The following PNPLA1 variants were observed in gnomAD, a reference collection of about 807,000 sequenced individuals.
PNPLA1 encodes patatin like domain 1, omega-hydroxyceramide transacylase.
Under a neutral mutation model 51.7 loss-of-function variants are expected in PNPLA1, and 36 were observed. The ratio of observed to expected loss-of-function variants is 0.70; its 90% confidence interval spans 0.53 to 0.92. PNPLA1 has a LOEUF of 0.92. Ranked by LOEUF, PNPLA1 falls within the 40% of genes least tolerant of loss-of-function variation. PNPLA1 has a pLI of 0.00. For missense variants in PNPLA1, 658 were observed against 682.5 expected (o/e 0.96, Z 0.40); for synonymous variants, 293 against 280.1 (o/e 1.05, Z -0.46).
chr6:36,246,495 C>T (rs2127307872), intron 1 of PNPLA1, among the ~76,000 whole-genome samples: 1 of 152,296 alleles, frequency 6.6e-6, no homozygotes, highest in South Asian at 2.1e-4. Flanking sequence ...AGCCATGGTG[C>T]CCGGCCAGAT....
At chr6:36,262,275 C>T (rs1769666923) in intron 1 of PNPLA1, among the ~76,000 whole-genome samples, 1 of 81,962 alleles carries the variant, frequency 1.2e-5, no homozygotes, top group African/African-American at 7.6e-5. Flanking sequence ...ACAACCCTCC[C>T]ATCCTCCACT....
chr6:36,270,857 A>G (rs763685236), intron 1 of PNPLA1, among the ~76,000 whole-genome samples, 193 bp downstream of exon 1: 5 of 152,004 alleles, frequency 3.3e-5, no homozygotes, highest in Non-Finnish European at 4.4e-5. Flanking sequence ...CAGGCCCCAG[A>G]CTCTAACATG....
intron 5 of PNPLA1, among the ~76,000 whole-genome samples, chr6:36,300,541 A>G (rs1208375199): frequency 1.3e-5 from 2 of 152,046 alleles, no homozygotes; most frequent in Non-Finnish European, 2.9e-5. Context: ...AACGTCCCTC[A>G]GTTGGGGTTT....
chr6:36,282,437 T>C (rs1271656986), intron 1 of PNPLA1, among the ~76,000 whole-genome samples: 1 of 152,224 alleles, frequency 6.6e-6, no homozygotes, highest in Non-Finnish European at 1.5e-5. Context: ...TCTATCCAAA[T>C]GGATAAAGAT....
intron 1 of PNPLA1, among the ~76,000 whole-genome samples, chr6:36,245,781 CAG>C (rs1188984100): frequency 4.6e-5 from 7 of 152,242 alleles, no homozygotes; most frequent in African/African-American, 1.4e-4. Flanking sequence ...GGTAGGCAAA[CAG>C]GGGCTCAGGG....
At chr6:36,245,441 C>G (rs1769249274) in intron 1 of PNPLA1, among the ~76,000 whole-genome samples, 1 of 152,242 alleles carries the variant, frequency 6.6e-6, no homozygotes, top group South Asian at 2.1e-4. Context: ...CATTTACTCT[C>G]AGGGCTAGCT....
intron 1 of PNPLA1, among the ~76,000 whole-genome samples, chr6:36,287,755 AACACACACACACACACACACACAC>A (rs57750301): frequency 6.7e-6 from 1 of 148,342 alleles, no homozygotes; most frequent in Non-Finnish European, 1.5e-5. Flanking sequence ...GACAGACAGA[AACACACACACACACACACACACAC>A]ACACACACAC....
intron 1 of PNPLA1, among the ~76,000 whole-genome samples, chr6:36,245,030 G>T (rs1422966185): frequency 6.6e-6 from 1 of 152,228 alleles, no homozygotes; most frequent in African/African-American, 2.4e-5. Context: ...GACCTAAAAG[G>T]GTGGGACATC....
intron 1 of PNPLA1, among the ~76,000 whole-genome samples, chr6:36,282,088 AGAAGGAAGGAAGGAAGGAAGGAAGGAAG>A (rs70975141): frequency 1.0e-5 from 1 of 98,850 alleles, no homozygotes; most frequent in African/African-American, 4.9e-5. Flanking sequence ...AAAGAAAGAA[AGAAGGAAGGAAGGAAGGAAGGAAGGAAG>A]GAAGGAAGGA....
intron 1 of PNPLA1, among the ~76,000 whole-genome samples, chr6:36,247,077 T>C (rs1258990548): frequency 6.6e-6 from 1 of 152,164 alleles, no homozygotes; most frequent in Non-Finnish European, 1.5e-5. Context: ...GATGGTGCCC[T>C]GGCCTCCCAG....
chr6:36,281,159 T>C (rs1288504304), intron 1 of PNPLA1, among the ~76,000 whole-genome samples: 1 of 152,230 alleles, frequency 6.6e-6, no homozygotes, highest in Non-Finnish European at 1.5e-5. Flanking sequence ...GCTGGAAGTC[T>C]CTCCAGTGTT....
chr6:36,275,806 C>T (rs1300919975), intron 1 of PNPLA1, among the ~76,000 whole-genome samples: 3 of 152,262 alleles, frequency 2.0e-5, no homozygotes, highest in Middle Eastern at 3.4e-3. Context: ...TGCATCTTTC[C>T]ATTTGTAAAT....
At chr6:36,273,250 A>ATAAT (rs1561855143) in intron 1 of PNPLA1, among the ~76,000 whole-genome samples, 2 of 105,134 alleles carry the variant, frequency 1.9e-5, no homozygotes, top group African/African-American at 8.0e-5. Context: ...AAATAAATAA[A>ATAAT]TAATAAATAA....
intron 1 of PNPLA1, among the ~76,000 whole-genome samples, chr6:36,251,076 C>T (rs1769413051): frequency 6.6e-6 from 1 of 152,144 alleles, no homozygotes; most frequent in African/African-American, 2.4e-5. Context: ...GCAAAGGGGC[C>T]GTTTCTAGTA....
In PNPLA1 at chr6:36,313,215, CTCTG is replaced by C. The variant is rs1771443295; in HGVS notation, c.*1334_*1337del. On this transcript the variant is annotated 3_prime_UTR_variant, in exon 9 of 9. Coordinates refer to ENST00000636260, the MANE Select transcript of PNPLA1 (RefSeq NM_001374623.1). Reference sequence around the variant, plus strand: ...CCTGCAGCCAACACAAATGAGGGCTCTCTGTCTGCTGTTCACACCTCAGTGAAAA... The same window carrying C: ...CCTGCAGCCAACACAAATGAGGGCTCTCTGCTGTTCACACCTCAGTGAAAA... Among the ~76,000 whole-genome samples, 6 of 152,146 alleles carry C rather than the reference CTCTG, an allele frequency of 3.9e-5. No homozygotes were observed. The South Asian group carries it at 1.2e-3, about 32-fold the overall frequency.
At chr6:36,256,580 T>C (rs564614004) in intron 1 of PNPLA1, among the ~76,000 whole-genome samples, 2 of 152,228 alleles carry the variant, frequency 1.3e-5, no homozygotes, top group South Asian at 2.1e-4. Flanking sequence ...CCCAAGTAGC[T>C]GGGACTACAG....
At chr6:36,252,008 A>T (rs1021559249) in intron 1 of PNPLA1, among the ~76,000 whole-genome samples, 3 of 152,240 alleles carry the variant, frequency 2.0e-5, no homozygotes, top group Admixed American at 6.5e-5. Context: ...AGTTAAATCA[A>T]TGAATGAATA....
At position 36,301,842 on chromosome 6, in the gene PNPLA1, A is replaced by G. The variant is rs1293422190; in HGVS notation, c.776-19A>G. The G allele has an allele frequency of 1.0e-5, 16 of 1,605,216 alleles. No individual in the cohort carries two copies. Among genetic ancestry groups the G allele is most frequent in the Non-Finnish European group, 1.4e-5 (16 of 1,174,308 alleles). ...TGCTGCCAGGGCTGAGTAACACCCC[A>G]TGCTATTGTTTATCCTAGATGCTGT... is the stretch of plus-strand genomic sequence containing the variant. On this transcript the variant is annotated intron_variant, in intron 5 of 8. Transcript: ENST00000636260.
At chr6:36,303,141 C>T (rs1771121278) in intron 6 of PNPLA1, among the ~76,000 whole-genome samples, 1 of 152,134 alleles carries the variant, frequency 6.6e-6, no homozygotes, top group South Asian at 2.1e-4. Context: ...GTCGCCCAGG[C>T]TAGAGTGCAG....
Sources: gnomAD v4.1 joint callset for allele counts (sites outside exome capture counted in the v4.1 genomes callset) on GRCh38, gnomAD v4.1.1 for gene constraint, MANE v1.5 for transcripts, NCBI Gene and HGNC (gene_info 2026-07-23, HGNC 2026-07-21) for gene names.